The following TMEM51 variants were observed in gnomAD, a reference collection of about 807,000 sequenced individuals.
TMEM51 encodes chromosome 1 open reading frame 72.
In TMEM51, 8 loss-of-function variants were observed where a neutral mutation model predicts 13.6. The ratio of observed to expected loss-of-function variants is 0.59; its 90% CI spans 0.35 to 1.07. The LOEUF is 1.07. Ranked by LOEUF, TMEM51 falls within the 50% of genes least tolerant of loss-of-function variation. The pLI, the probability that TMEM51 is intolerant of heterozygous loss-of-function variation, is 0.02. For missense variants in TMEM51, 279 were observed against 330.7 expected (o/e 0.84, Z 1.21); for synonymous variants, 147 against 144.4 (o/e 1.02, Z -0.13).
intron 1 of TMEM51, among the ~76,000 whole-genome samples, chr1:15,187,264 T>C (rs1643808990): frequency 7.3e-6 from 1 of 137,404 alleles, no homozygotes; most frequent in East Asian, 2.3e-4. Flanking sequence ...TAATTCGCCC[T>C]GTTGCCACCA....
At chr1:15,206,627 T>TGGCCGTGAGGATCGGGTGAGTTTA (rs1553203505) in intron 1 of TMEM51, among the ~76,000 whole-genome samples, 2 of 152,222 alleles carry the variant, frequency 1.3e-5, no homozygotes, top group East Asian at 1.9e-4. Context: ...CCTTGAAGGG[T>TGGCCGTGAGGATCGGGTGAGTTTA]GGCCGTGAGG....
intron 1 of TMEM51, among the ~76,000 whole-genome samples, chr1:15,166,280 A>G (rs1642994942): frequency 6.6e-6 from 1 of 152,184 alleles, no homozygotes; most frequent in Admixed American, 6.5e-5. Context: ...GGAACTGTAG[A>G]GAGCTTTGAA....
rs1489937219 is a variant in TMEM51 at position 15,161,180 on chromosome 1, T to C, written c.-267+7226T>C. Among the ~76,000 whole-genome samples, 1 of 152,088 alleles carries C rather than the reference T, an allele frequency of 6.6e-6. No homozygotes were observed. The highest frequency in any genetic ancestry group is 1.9e-4 in the East Asian group (1 of 5,184). On this transcript the variant is annotated intron_variant, in intron 1 of 3. Coordinates refer to ENST00000376008, the MANE Select transcript of TMEM51 (RefSeq NM_001136218.2). The surrounding 1 kb of genome is among the most constrained non-coding windows in gnomAD (Gnocchi z 4.0). ...TCAGGGCAGATGCTGAAGGCAGAGGTGGAAAAAGTATTTTATATAGTTTCT... is the reference window on the plus strand; with the variant it reads ...TCAGGGCAGATGCTGAAGGCAGAGGCGGAAAAAGTATTTTATATAGTTTCT...
At chr1:15,157,582 C>G (rs1042841669) in intron 1 of TMEM51, among the ~76,000 whole-genome samples, 3 of 152,178 alleles carry the variant, frequency 2.0e-5, no homozygotes, top group African/African-American at 7.2e-5. Flanking sequence ...TCTGTCTGCA[C>G]TTCACACTAC....
intron 1 of TMEM51, among the ~76,000 whole-genome samples, chr1:15,202,660 A>T (rs1644178451): frequency 6.6e-6 from 1 of 152,052 alleles, no homozygotes; most frequent in East Asian, 1.9e-4. Context: ...CCCTCTTATA[A>T]GGCTACTACT....
At chr1:15,209,162 T>C (rs1304910469) in intron 1 of TMEM51, among the ~76,000 whole-genome samples, 1 of 151,918 alleles carries the variant, frequency 6.6e-6, no homozygotes, top group Admixed American at 6.6e-5. Context: ...CTTTACCTCC[T>C]AGGCTCAAGC....
intron 1 of TMEM51, among the ~76,000 whole-genome samples, chr1:15,160,087 G>T (rs1642724185): frequency 6.6e-6 from 1 of 152,102 alleles, no homozygotes; most frequent in Admixed American, 6.5e-5. Context: ...CTAAATCTTG[G>T]GCAATTTTAT....
At chr1:15,155,351 G>A (rs933805543) in intron 1 of TMEM51, among the ~76,000 whole-genome samples, 2 of 152,224 alleles carry the variant, frequency 1.3e-5, no homozygotes, top group African/African-American at 2.4e-5. Flanking sequence ...TGGCGATACA[G>A]TCAGGCCACA....
At chr1:15,168,690 C>A (rs1374281369) in intron 1 of TMEM51, 1 of 1,304,372 alleles carries the variant, frequency 7.7e-7, no homozygotes, top group South Asian at 1.2e-5. Context: ...TTAGAACACG[C>A]GTACTGTCTC....
chr1:15,200,110 G>A (rs575753518), intron 1 of TMEM51, among the ~76,000 whole-genome samples: 1 of 152,018 alleles, frequency 6.6e-6, no homozygotes, highest in Non-Finnish European at 1.5e-5. Context: ...TGGAGATAAG[G>A]CCTTTACATA....
intron 1 of TMEM51, among the ~76,000 whole-genome samples, chr1:15,159,186 TAAAAC>T (rs933825188): frequency 1.3e-5 from 2 of 152,162 alleles, no homozygotes; most frequent in Non-Finnish European, 2.9e-5. Flanking sequence ...ACTTTAAAAA[TAAAAC>T]AGAAAGTTGG....
At chr1:15,202,666 C>G (rs1557852891) in intron 1 of TMEM51, among the ~76,000 whole-genome samples, 1 of 152,168 alleles carries the variant, frequency 6.6e-6, no homozygotes, top group Non-Finnish European at 1.5e-5. Context: ...TATAAGGCTA[C>G]TACTCATCAA....
chr1:15,217,640 G>T (rs1167242823), intron 3 of TMEM51, among the ~76,000 whole-genome samples: 1 of 152,026 alleles, frequency 6.6e-6, no homozygotes, highest in Non-Finnish European at 1.5e-5. Context: ...GAGAGGTGAG[G>T]GTATAGATCC....
chr1:15,191,413 C>T (rs1415687424), intron 1 of TMEM51, among the ~76,000 whole-genome samples: 1 of 152,230 alleles, frequency 6.6e-6, no homozygotes, highest in Non-Finnish European at 1.5e-5. Flanking sequence ...GAAATTAACA[C>T]AGCCCTTCTT....
At chr1:15,212,727 T>A (rs943975820) in intron 2 of TMEM51, among the ~76,000 whole-genome samples, 3 of 152,174 alleles carry the variant, frequency 2.0e-5, no homozygotes, top group Non-Finnish European at 4.4e-5. Context: ...TCCCATCTGG[T>A]CCTACCGCAG....
intron 1 of TMEM51, among the ~76,000 whole-genome samples, chr1:15,202,368 G>GC (rs1450675069): frequency 1.3e-5 from 2 of 152,092 alleles, no homozygotes; most frequent in Non-Finnish European, 2.9e-5. Context: ...GAGTTGCCTG[G>GC]GTCTGCCATA....
intron 1 of TMEM51, among the ~76,000 whole-genome samples, chr1:15,158,099 C>T (rs1177096850): frequency 6.6e-6 from 1 of 152,158 alleles, no homozygotes; most frequent in Non-Finnish European, 1.5e-5. Context: ...AGCCCGTATC[C>T]TGGTTTTTCA....
rs58498052 is a variant in TMEM51 at position 15,220,376 on chromosome 1, C to CAAAAAA, written c.*645_*650dup. 2 of 126,626 alleles carry CAAAAAA rather than the reference C, an allele frequency of 1.6e-5. No individual in the cohort carries two copies. Among genetic ancestry groups the CAAAAAA allele is most frequent in the Non-Finnish European group, 1.7e-5 (1 of 60,410 alleles). 7.8% of individuals were successfully genotyped at this position (126,626 alleles called of 1,614,324 possible). A position where few individuals can be genotyped will look rare whatever the true frequency, so the allele number is the denominator to read the frequency against. ...TTAACTAGTCTCTTCTGTGTAACAG[C>CAAAAAA]AAAAAAAAAAAAAAAAAGAAGAAGA... On this transcript the variant is annotated 3_prime_UTR_variant, in exon 4 of 4. Coordinates refer to ENST00000376008, the MANE Select transcript of TMEM51 (RefSeq NM_001136218.2).
intron 1 of TMEM51, among the ~76,000 whole-genome samples, chr1:15,181,333 C>T (rs1643609787): frequency 6.6e-6 from 1 of 152,164 alleles, no homozygotes; most frequent in Admixed American, 6.5e-5. Flanking sequence ...CTGGGTGGGG[C>T]TCCAGGTTGC....
Sources: gnomAD v4.1 joint callset for allele counts (sites outside exome capture counted in the v4.1 genomes callset) on GRCh38, gnomAD v4.1.1 for gene constraint, Gnocchi (gnomAD v3.1) non-coding constraint, MANE v1.5 for transcripts, NCBI Gene and HGNC (gene_info 2026-07-23, HGNC 2026-07-21) for gene names.